RAB27A: variants seen among roughly 807,000 people sequenced by gnomAD.
RAB27A encodes the protein RAB27A, member RAS oncogene family, also known as ras-related protein Rab-27A.
In RAB27A, 17 loss-of-function variants were observed where a neutral mutation model predicts 20.8. That is an observed-to-expected ratio of 0.82 (90% CI 0.56 to 1.23). RAB27A has a LOEUF of 1.23. Ranked by LOEUF, RAB27A falls within the 50% of genes most tolerant of loss-of-function variation. The probability of loss-of-function intolerance (pLI) is 0.00; values close to 1 mark genes in which losing one functional copy is unlikely to be tolerated. For missense variants in RAB27A, 277 were observed against 266.7 expected (o/e 1.04, Z -0.27); for synonymous variants, 85 against 92.8 (o/e 0.92, Z 0.48).
chr15:55,284,834 A>G (rs1898105737), intron 1 of RAB27A, among the ~76,000 whole-genome samples: 1 of 152,228 alleles, frequency 6.6e-6, no homozygotes, highest in African/African-American at 2.4e-5. Context: ...AGTAAATTCC[A>G]TTAACTATAA....
intron 5 of RAB27A, among the ~76,000 whole-genome samples, chr15:55,226,591 C>T (rs551256562): frequency 4.1e-4 from 63 of 151,918 alleles, no homozygotes; most frequent in South Asian, 2.1e-3. Flanking sequence ...AGAAATGGGC[C>T]GGGCACTGTG....
At chr15:55,233,282 A>T (rs1896117476) in intron 3 of RAB27A, among the ~76,000 whole-genome samples, 1 of 152,212 alleles carries the variant, frequency 6.6e-6, no homozygotes, top group Non-Finnish European at 1.5e-5. Flanking sequence ...TTTACACAGT[A>T]TTAAAATTAA....
At chr15:55,294,899 C>G (rs2054942389) in intron 2 of RAB27A, among the ~76,000 whole-genome samples, 1 of 152,038 alleles carries the variant, frequency 6.6e-6, no homozygotes, top group Non-Finnish European at 1.5e-5. Flanking sequence ...AGTGAAAACA[C>G]AACCTACAGA....
intron 1 of RAB27A, among the ~76,000 whole-genome samples, chr15:55,284,436 T>C (rs1898095271): frequency 6.6e-6 from 1 of 152,050 alleles, no homozygotes; most frequent in South Asian, 2.1e-4. Context: ...TTATAATAAA[T>C]ACTCCAGAGG....
intron 6 of RAB27A, among the ~76,000 whole-genome samples, chr15:55,214,592 T>C (rs1162774689): frequency 6.6e-6 from 1 of 152,226 alleles, no homozygotes; most frequent in Non-Finnish European, 1.5e-5. Context: ...TAAAATATCT[T>C]AATCAGAAAA....
At chr15:55,290,779 G>A (rs954621183), upstream of RAB27A, among the ~76,000 whole-genome samples, 2 of 152,212 alleles carry the variant, frequency 1.3e-5, no homozygotes, top group African/African-American at 4.8e-5. Context: ...GCAGCCCTTG[G>A]GCCTGTCCCT....
intron 5 of RAB27A, among the ~76,000 whole-genome samples, chr15:55,224,972 G>A (rs1895738624): frequency 6.6e-6 from 1 of 152,176 alleles, no homozygotes; most frequent in Non-Finnish European, 1.5e-5. Flanking sequence ...TACTCTGCAT[G>A]GAATTTCACA....
At chr15:55,209,388 CA>C in intron 6 of RAB27A, among the ~76,000 whole-genome samples, 1 of 152,112 alleles carries the variant, frequency 6.6e-6, no homozygotes, top group East Asian at 1.9e-4. Context: ...TAAGAACATG[CA>C]ACATTTGTCT....
chr15:55,271,255 T>C (rs1897697296), intron 1 of RAB27A, among the ~76,000 whole-genome samples: 1 of 152,220 alleles, frequency 6.6e-6, no homozygotes, highest in South Asian at 2.1e-4. Flanking sequence ...GCCTCCTTCC[T>C]ATAAGCTGCT....
chr15:55,311,384 T>C (rs2055019985), intron 2 of RAB27A, among the ~76,000 whole-genome samples: 1 of 152,194 alleles, frequency 6.6e-6, no homozygotes, highest in African/African-American at 2.4e-5. Context: ...TCCCACTGCT[T>C]GGAGTGGGCA....
chr15:55,302,603 G>A (rs1288750927), intron 2 of RAB27A, among the ~76,000 whole-genome samples: 3,041 of 133,284 alleles, frequency 0.023, 154 homozygotes, highest in African/African-American at 0.087. Flanking sequence ...GTCTCCGCCC[G>A]GCCACCATCC....
intron 6 of RAB27A, among the ~76,000 whole-genome samples, chr15:55,210,281 G>GTTT (rs560258521): frequency 7.0e-6 from 1 of 142,734 alleles, no homozygotes; most frequent in African/African-American, 2.6e-5. Flanking sequence ...TCTATTTTTA[G>GTTT]TTTTTTTTTT....
intron 5 of RAB27A, among the ~76,000 whole-genome samples, chr15:55,227,735 C>T (rs2140970463): frequency 6.6e-6 from 1 of 152,266 alleles, no homozygotes; most frequent in East Asian, 1.9e-4. Context: ...CCACAGTGCA[C>T]TAAATTATTT....
Position 55,282,652 on chromosome 15 carries a change from C to A in RAB27A, c.-143+7064G>T, listed in dbSNP as rs145953370. Among the ~76,000 whole-genome samples, 198 of 152,232 alleles carry A rather than the reference C, an allele frequency of 1.3e-3. 1 individual carries two copies. Among genetic ancestry groups the A allele is most frequent in the African/African-American group, 4.6e-3 (191 of 41,516 alleles). ...GAGCTTATCGTGCAAAGACTGAGAA[C>A]CCAAGTCCCTGTGTAACCCTTCAGG... On this transcript the variant is annotated intron_variant, in intron 1 of 6. Coordinates refer to ENST00000336787, the MANE Select transcript of RAB27A (RefSeq NM_183235.3).
At chr15:55,210,248 G>T (rs928393619) in intron 6 of RAB27A, among the ~76,000 whole-genome samples, 1 of 101,280 alleles carries the variant, frequency 9.9e-6, no homozygotes, top group Non-Finnish European at 2.0e-5. Flanking sequence ...TATATTAGTG[G>T]AGTTGCTGGA....
chr15:55,319,009 C>T, exon 1 of RAB27A: 1 of 485,374 alleles, frequency 2.1e-6, no homozygotes, highest in Non-Finnish European at 3.7e-6. Context: ...GGCCTTCCAG[C>T]AGTTTTCGGA....
intron 1 of RAB27A, among the ~76,000 whole-genome samples, chr15:55,315,007 A>C (rs767383750): frequency 1.2e-4 from 18 of 152,346 alleles, no homozygotes; most frequent in Non-Finnish European, 2.2e-4. Context: ...ACCTGACTTC[A>C]AACTATACAA....
intron 1 of RAB27A, among the ~76,000 whole-genome samples, chr15:55,282,927 TAAAC>T (rs150434025): frequency 6.6e-5 from 10 of 151,244 alleles, no homozygotes; most frequent in Non-Finnish European, 1.3e-4. Context: ...AATAAATAAA[TAAAC>T]AAACAAACAG....
At chr15:55,207,250 T>G (rs1180145143) in intron 6 of RAB27A, among the ~76,000 whole-genome samples, 1 of 152,146 alleles carries the variant, frequency 6.6e-6, no homozygotes, top group African/African-American at 2.4e-5. Context: ...TCTGATAAAA[T>G]TGAAACATGC....
Sources: gnomAD v4.1 joint callset for allele counts (sites outside exome capture counted in the v4.1 genomes callset) on GRCh38, gnomAD v4.1.1 for gene constraint, MANE v1.5 for transcripts, NCBI Gene and HGNC (gene_info 2026-07-23, HGNC 2026-07-21) for gene names.